MEMO1: variants seen among roughly 807,000 people sequenced by gnomAD.
MEMO1 encodes protein MEMO1.
MEMO1 carries 6 observed loss-of-function variants against 45.2 expected under a neutral mutation model. The ratio of observed to expected loss-of-function variants is 0.13; its 90% CI spans 0.07 to 0.26. MEMO1 has a LOEUF of 0.26. Ranked by LOEUF, MEMO1 falls within the 10% of genes least tolerant of loss-of-function variation. The pLI is 1.00. For synonymous variants in MEMO1, 78 were observed against 124.3 expected, an observed-to-expected ratio of 0.63 and a Z score of 2.48; for missense variants, 184 against 370.5, an observed-to-expected ratio of 0.50 and a Z score of 4.13.
chr2:32,006,591 C>CA (rs200802004), intron 2 of MEMO1, among the ~76,000 whole-genome samples: 4,744 of 70,244 alleles, frequency 0.068, 150 homozygotes, highest in African/African-American at 0.16. Context: ...TGGACCTTAC[C>CA]AAAAAAAAAA....
At chr2:31,933,343 AAAAAAATTT>A (rs1664460733) in intron 3 of MEMO1, among the ~76,000 whole-genome samples, 1 of 45,232 alleles carries the variant, frequency 2.2e-5, no homozygotes, top group Non-Finnish European at 4.0e-5. Context: ...AAAAAAAAAA[AAAAAAATTT>A]ATATATATAT....
intron 6 of MEMO1, among the ~76,000 whole-genome samples, chr2:31,910,210 A>C (rs1263420829): frequency 6.6e-6 from 1 of 152,166 alleles, no homozygotes; most frequent in East Asian, 1.9e-4. Flanking sequence ...TCTAACAAAA[A>C]TTGAGGGAGT....
chr2:31,885,027 G>T (rs1675978417), intron 7 of MEMO1, among the ~76,000 whole-genome samples: 1 of 151,932 alleles, frequency 6.6e-6, no homozygotes, highest in Admixed American at 6.6e-5. Context: ...TTAGAGTAAG[G>T]TATAGCTTTA....
chr2:31,973,303 A>T (rs1055637066), intron 2 of MEMO1, among the ~76,000 whole-genome samples: 20 of 152,028 alleles, frequency 1.3e-4, no homozygotes, highest in African/African-American at 4.6e-4. Flanking sequence ...AAAATACAAA[A>T]ATTAGCCATG....
chr2:31,933,054 GA>G (rs1022710951), intron 3 of MEMO1, among the ~76,000 whole-genome samples: 16 of 151,822 alleles, frequency 1.1e-4, no homozygotes, highest in African/African-American at 3.4e-4. Flanking sequence ...GTGAACTACT[GA>G]CACTCAAAAT....
At chr2:31,939,836 A>G (rs575625556) in intron 3 of MEMO1, among the ~76,000 whole-genome samples, 47 of 152,194 alleles carry the variant, frequency 3.1e-4, no homozygotes, top group Non-Finnish European at 4.6e-4. Flanking sequence ...TCTGTTTTAC[A>G]GCAAAATTCC....
At chr2:31,935,504 G>C (rs893567100) in intron 3 of MEMO1, among the ~76,000 whole-genome samples, 3 of 151,650 alleles carry the variant, frequency 2.0e-5, no homozygotes, top group Non-Finnish European at 2.9e-5. Context: ...GAGAAGGAGA[G>C]TCTTAAGTTG....
rs922303382 is a variant in MEMO1, at chr2:31,943,172, G to A, written c.143+130C>T. ...CCCAACTGCTCAGGAGGTTGAGGCAGGAGAGTCGCTTGAACCTGGGAGGCG... is the reference window on the plus strand; with the variant it reads ...CCCAACTGCTCAGGAGGTTGAGGCAAGAGAGTCGCTTGAACCTGGGAGGCG... On this transcript the variant is annotated intron_variant, in intron 3 of 9. Coordinates refer to ENST00000404530, the MANE Select transcript of MEMO1 (RefSeq NM_001301833.4). 3.0e-5 allele frequency: 21 copies of A among 711,546 alleles called. No homozygotes were observed. The Admixed American group carries it at 4.6e-4, about 16-fold the overall frequency. 44.1% of individuals were successfully genotyped at this position (711,546 alleles called of 1,614,324 possible).
At chr2:31,969,306 A>G (rs929555563) in intron 2 of MEMO1, among the ~76,000 whole-genome samples, 3 of 150,824 alleles carry the variant, frequency 2.0e-5, no homozygotes, top group African/African-American at 7.3e-5. Context: ...ATATATATAC[A>G]CATATATACA....
At chr2:31,965,089 T>G (rs1028702870) in intron 2 of MEMO1, among the ~76,000 whole-genome samples, 2 of 152,036 alleles carry the variant, frequency 1.3e-5, no homozygotes, top group Non-Finnish European at 2.9e-5. Flanking sequence ...GGTGCATGCC[T>G]ATAATCCCAG....
chr2:31,986,766 C>A (rs556069826), intron 2 of MEMO1, among the ~76,000 whole-genome samples: 1 of 152,114 alleles, frequency 6.6e-6, no homozygotes, highest in Admixed American at 6.5e-5. Flanking sequence ...ATAAAAGAAA[C>A]AAACAGAAAT....
chr2:31,882,345 A>C (rs1339343191), intron 8 of MEMO1, among the ~76,000 whole-genome samples: 1 of 152,158 alleles, frequency 6.6e-6, no homozygotes, highest in Admixed American at 6.5e-5. Flanking sequence ...AAATATCTTA[A>C]TATGCATGCT....
chr2:31,918,960 C>A (rs935196354), intron 5 of MEMO1, among the ~76,000 whole-genome samples: 1 of 151,934 alleles, frequency 6.6e-6, no homozygotes, highest in Non-Finnish European at 1.5e-5. Flanking sequence ...TTCCCTAAAA[C>A]CCTCTCAGGA....
chr2:32,002,895 C>T (rs191337048), intron 2 of MEMO1, among the ~76,000 whole-genome samples: 8 of 152,288 alleles, frequency 5.3e-5, no homozygotes, highest in African/African-American at 1.9e-4. Context: ...ATCATATCAA[C>T]AGTTTGCCTG....
intron 2 of MEMO1, among the ~76,000 whole-genome samples, chr2:31,953,178 C>G (rs968916824): frequency 6.6e-6 from 1 of 151,866 alleles, no homozygotes; most frequent in Admixed American, 6.6e-5. Context: ...ACCAACCTGG[C>G]CAACATGGTG....
chr2:31,875,593 C>A (rs1674437773), intron 8 of MEMO1, among the ~76,000 whole-genome samples: 1 of 152,128 alleles, frequency 6.6e-6, no homozygotes, highest in Non-Finnish European at 1.5e-5. Context: ...TGACCTCCAT[C>A]CACTTCATTC....
At chr2:32,004,647 G>A (rs1398179741) in intron 2 of MEMO1, among the ~76,000 whole-genome samples, 1 of 152,146 alleles carries the variant, frequency 6.6e-6, no homozygotes. Flanking sequence ...ATGGGGCCGG[G>A]CACAGTGGCT....
chr2:31,949,368 A>C (rs1157071599), intron 2 of MEMO1, among the ~76,000 whole-genome samples: 1 of 152,230 alleles, frequency 6.6e-6, no homozygotes, highest in Non-Finnish European at 1.5e-5. Flanking sequence ...CTAAGTGTCC[A>C]TCAACAGATG....
chr2:31,912,696 T>C (rs1187603265), intron 6 of MEMO1, among the ~76,000 whole-genome samples: 2 of 152,098 alleles, frequency 1.3e-5, no homozygotes, highest in South Asian at 4.1e-4. Context: ...AACTCAAACA[T>C]AAACGTGTAT....
Sources: gnomAD v4.1 joint callset for allele counts (sites outside exome capture counted in the v4.1 genomes callset) on GRCh38, gnomAD v4.1.1 for gene constraint, MANE v1.5 for transcripts, NCBI Gene and HGNC (gene_info 2026-07-23, HGNC 2026-07-21) for gene names.